Variants in TRIM33 observed in about 807,000 individuals in gnomAD.
TRIM33 encodes the protein E3 ubiquitin-protein ligase TRIM33.
Under a neutral mutation model 125.4 loss-of-function variants are expected in TRIM33, and 20 were observed. That is an observed-to-expected ratio of 0.16 (90% confidence interval 0.11 to 0.23). The LOEUF (loss-of-function observed/expected upper bound fraction) is 0.23. Among genes scored for constraint, TRIM33 ranks in the 10% least tolerant of loss-of-function variants. TRIM33 has a pLI of 1.00. For synonymous variants in TRIM33, 564 were observed against 513.9 expected, an observed-to-expected ratio of 1.10 and a Z score of -1.32; for missense variants, 920 against 1,411.4, an observed-to-expected ratio of 0.65 and a Z score of 5.58.
intron 1 of TRIM33, among the ~76,000 whole-genome samples, chr1:114,499,460 G>A (rs1169224771): frequency 2.7e-5 from 4 of 150,618 alleles, no homozygotes; most frequent in African/African-American, 9.7e-5. Flanking sequence ...CTGGGTTCGG[G>A]GTAAGGAAAA....
chr1:114,460,562 C>A (rs760558969), intron 4 of TRIM33, among the ~76,000 whole-genome samples: 74 of 145,458 alleles, frequency 5.1e-4, no homozygotes, highest in Middle Eastern at 3.4e-3. Flanking sequence ...GTGTTTAACA[C>A]CCCCCGCCAC....
intron 4 of TRIM33, among the ~76,000 whole-genome samples, chr1:114,445,712 A>G (rs2101270077): frequency 6.6e-6 from 1 of 152,348 alleles, no homozygotes; most frequent in African/African-American, 2.4e-5. Context: ...AAAAGCCATA[A>G]AACATTCAGG....
intron 13 of TRIM33, among the ~76,000 whole-genome samples, chr1:114,407,862 A>C (rs1652344574): frequency 6.6e-6 from 1 of 152,198 alleles, no homozygotes; most frequent in South Asian, 2.1e-4. Flanking sequence ...CTTTCCTATA[A>C]CCCAATAGTT....
At chr1:114,402,951 C>G (rs1652000003) in intron 15 of TRIM33, 68 bp from the exon 16 acceptor site, 22 of 1,429,182 alleles carry the variant, frequency 1.5e-5, no homozygotes, top group Non-Finnish European at 2.1e-5. Flanking sequence ...AGCTACTTCC[C>G]TGGACTGGGG....
intron 1 of TRIM33, among the ~76,000 whole-genome samples, chr1:114,479,181 T>C (rs570062027): frequency 1.9e-4 from 29 of 152,206 alleles, no homozygotes; most frequent in Non-Finnish European, 1.5e-5. Flanking sequence ...AGTAGAACAA[T>C]GTCAAGCTCC....
intron 11 of TRIM33, among the ~76,000 whole-genome samples, chr1:114,417,428 T>C (rs914736355): frequency 2.6e-5 from 4 of 152,180 alleles, no homozygotes; most frequent in Non-Finnish European, 5.9e-5. Context: ...GTCTTGTTTA[T>C]CTTATCCTCA....
At chr1:114,433,859 A>C in intron 4 of TRIM33, 126 bp from the exon 5 acceptor site, 1 of 551,434 alleles carries the variant, frequency 1.8e-6, no homozygotes, top group South Asian at 2.8e-5. Flanking sequence ...CTGGCCACTC[A>C]TACCTTATCT....
chr1:114,463,069 T>A (rs773231838), intron 4 of TRIM33, 35 bp downstream of exon 4: 1 of 1,528,358 alleles, frequency 6.5e-7, no homozygotes, highest in South Asian at 1.3e-5. Context: ...GCACTTTTTA[T>A]AGTATTTCCT....
intron 1 of TRIM33, among the ~76,000 whole-genome samples, chr1:114,475,967 T>G (rs1031383015): frequency 6.6e-6 from 1 of 151,966 alleles, no homozygotes; most frequent in African/African-American, 2.4e-5. Flanking sequence ...ACCACTGCAC[T>G]CCAGCCAGGG....
At chr1:114,438,390 G>A (rs903201020) in intron 4 of TRIM33, among the ~76,000 whole-genome samples, 1 of 151,708 alleles carries the variant, frequency 6.6e-6, no homozygotes, top group Non-Finnish European at 1.5e-5. Flanking sequence ...CCACTGAATC[G>A]ATCACCCATT....
intron 1 of TRIM33, among the ~76,000 whole-genome samples, chr1:114,472,252 T>C (rs1289259667): frequency 6.6e-6 from 1 of 152,222 alleles, no homozygotes; most frequent in East Asian, 1.9e-4. Context: ...TATATGAGCA[T>C]AATCCAAATA....
At chr1:114,426,027 T>C (rs970543469) in intron 8 of TRIM33, among the ~76,000 whole-genome samples, 1 of 152,188 alleles carries the variant, frequency 6.6e-6, no homozygotes, top group African/African-American at 2.4e-5. Context: ...GCCTATCTAA[T>C]CAATCTAAAT....
intron 1 of TRIM33, among the ~76,000 whole-genome samples, chr1:114,502,655 C>T (rs1019713308): frequency 1.1e-4 from 17 of 151,718 alleles, no homozygotes; most frequent in African/African-American, 4.1e-4. Context: ...TACAGGCGCA[C>T]ACCACCACAC....
At chr1:114,424,902 C>T in intron 9 of TRIM33, 147 bp from the exon 10 acceptor site, 1 of 573,560 alleles carries the variant, frequency 1.7e-6, no homozygotes, top group Non-Finnish European at 2.8e-6. Context: ...CCCCAATCCC[C>T]AGAGGACTGG....
chr1:114,439,517 C>A (rs73005382), intron 4 of TRIM33, among the ~76,000 whole-genome samples: 8,958 of 133,230 alleles, frequency 0.067, 302 homozygotes, highest in African/African-American at 0.099. Context: ...GTTAATCCTA[C>A]CCAAAATGAA....
chr1:114,451,297 T>TTTGCA (rs767712545), intron 4 of TRIM33, among the ~76,000 whole-genome samples: 55 of 151,884 alleles, frequency 3.6e-4, no homozygotes, highest in Middle Eastern at 3.4e-3. Flanking sequence ...TCATATCTCC[T>TTTGCA]TTGCATGGCC....
At chr1:114,399,351 T>C (rs1416126967) in intron 18 of TRIM33, 106 bp downstream of exon 18, 14 of 1,104,410 alleles carry the variant, frequency 1.3e-5, no homozygotes, top group Middle Eastern at 2.6e-4. Flanking sequence ...GACAGGACTT[T>C]AGCAGAAAAA....
At chr1:114,471,964 T>G (rs1361913125) in intron 1 of TRIM33, among the ~76,000 whole-genome samples, 1 of 152,236 alleles carries the variant, frequency 6.6e-6, no homozygotes, top group East Asian at 1.9e-4. Flanking sequence ...TGAACTGTCA[T>G]AAAGCTATAT....
intron 1 of TRIM33, among the ~76,000 whole-genome samples, chr1:114,505,591 G>A (rs1323022046): frequency 6.6e-6 from 1 of 152,010 alleles, no homozygotes; most frequent in Non-Finnish European, 1.5e-5. Context: ...TTTTTGAGAC[G>A]GATTCTCACT....
Sources: gnomAD v4.1 joint callset for allele counts (sites outside exome capture counted in the v4.1 genomes callset) on GRCh38, gnomAD v4.1.1 for gene constraint, MANE v1.5 for transcripts, NCBI Gene and HGNC (gene_info 2026-07-23, HGNC 2026-07-21) for gene names.